Variants in PKP1 observed in about 807,000 individuals in gnomAD.
The protein encoded by PKP1 is plakophilin 1.
PKP1 carries 27 observed loss-of-function variants against 76.4 expected under a neutral mutation model. The ratio of observed to expected loss-of-function variants is 0.35; its 90% CI spans 0.26 to 0.49. The LOEUF (loss-of-function observed/expected upper bound fraction) is 0.49. Ranked by LOEUF, PKP1 falls within the 20% of genes least tolerant of loss-of-function variation. PKP1 has a pLI of 0.99. For missense variants in PKP1, 964 were observed against 955.2 expected (o/e 1.01, Z -0.12); for synonymous variants, 404 against 384.2 (o/e 1.05, Z -0.60).
intron 4 of PKP1, 119 bp downstream of exon 4, chr1:201,316,816 G>A (rs1656766244): frequency 1.9e-6 from 2 of 1,070,750 alleles, no homozygotes; most frequent in African/African-American, 1.6e-5. Context: ...GCCTTGCCCA[G>A]CTGCCAGGAG....
At chr1:201,287,845 C>A (rs1039619538) in intron 1 of PKP1, among the ~76,000 whole-genome samples, 2 of 152,206 alleles carry the variant, frequency 1.3e-5, no homozygotes, top group Non-Finnish European at 2.9e-5. Flanking sequence ...GGCCGTGACC[C>A]TTACAAGATG....
Position 201,324,472 on chromosome 1 carries a change from C to T in PKP1, c.1725C>T (p.Gly575=). ...MSQLIGLKEK[G]LPQIARLLQS... The stretch of plus-strand genomic sequence containing the variant: ...AGTTGATTGGGCTGAAGGAAAAGGG[C>T]CTGCCACAAATTGCCCGCCTCCTGC... The change falls in exon 10 of 14, where the codon GGC becomes GGT. Residue 575 remains glycine, a synonymous_variant. Transcript: ENST00000367324. The T allele has an allele frequency of 1.2e-6, 2 of 1,614,124 alleles. No homozygotes were observed. The highest frequency in any genetic ancestry group is 1.7e-6 in the Non-Finnish European group (2 of 1,180,002).
At chr1:201,286,739 C>T (rs1655751168) in intron 1 of PKP1, among the ~76,000 whole-genome samples, 1 of 152,166 alleles carries the variant, frequency 6.6e-6, no homozygotes, top group African/African-American at 2.4e-5. Flanking sequence ...TGTTTTCAGG[C>T]TGTCCCTGTG....
intron 4 of PKP1, 30 bp downstream of exon 4, chr1:201,316,727 G>T (rs1379555838): frequency 6.2e-7 from 1 of 1,612,366 alleles, no homozygotes; most frequent in Non-Finnish European, 8.5e-7. Context: ...CCTCCTTGGT[G>T]GGCCTGCGGA....
chr1:201,313,994 C>T (rs1277556538), intron 3 of PKP1, among the ~76,000 whole-genome samples: 1 of 152,220 alleles, frequency 6.6e-6, no homozygotes. Context: ...TTCTGATTTA[C>T]ACTAGAGTTT....
At chr1:201,295,327 CAATT>C (rs1480128495) in intron 2 of PKP1, among the ~76,000 whole-genome samples, 7 of 152,100 alleles carry the variant, frequency 4.6e-5, no homozygotes, top group African/African-American at 1.2e-4. Context: ...TGAAAGGAGA[CAATT>C]AACTAGATTT....
chr1:201,310,870 G>T (rs1209553966), intron 2 of PKP1, among the ~76,000 whole-genome samples: 1 of 152,182 alleles, frequency 6.6e-6, no homozygotes, highest in Non-Finnish European at 1.5e-5. Flanking sequence ...TCCCCTGCAG[G>T]TGCAGCCAAT....
Position 201,294,020 on chromosome 1 carries a change from C to A in PKP1, c.281C>A (p.Ala94Glu). Reference protein sequence around the residue: ...SRSSYYSKFQAGNGSWGYPIY... With the variant: ...SRSSYYSKFQEGNGSWGYPIY... ...AGCAGCTACTACTCCAAGTTCCAGG[C>A]AGGGAATGGCTCATGGGGATATCCG... is the stretch of plus-strand genomic sequence containing the variant. The change falls in exon 2 of 14, where the codon GCA (alanine) becomes GAA (glutamate). Residue 94 changes from alanine (A) to glutamate (E), a missense_variant. By Grantham distance (107) the Ala-to-Glu change is moderately radical. Transcript: ENST00000367324. The A allele has an allele frequency of 6.2e-7, 1 of 1,612,628 alleles. No homozygotes were observed.
At chr1:201,293,319 G>A (rs989916946) in intron 1 of PKP1, among the ~76,000 whole-genome samples, 1 of 152,222 alleles carries the variant, frequency 6.6e-6, no homozygotes, top group East Asian at 1.9e-4. Context: ...CTCCTGCGGA[G>A]CCTGTCATTT....
intron 9 of PKP1, among the ~76,000 whole-genome samples, chr1:201,323,839 C>G (rs769482095): frequency 1.3e-5 from 2 of 152,138 alleles, no homozygotes; most frequent in African/African-American, 4.8e-5. Context: ...GCCAAACCCA[C>G]CTAGACCTGT....
chr1:201,293,765 G>A (rs113554700), intron 1 of PKP1, among the ~76,000 whole-genome samples, 177 bp from the exon 2 acceptor site: 8 of 152,290 alleles, frequency 5.3e-5, no homozygotes, highest in East Asian at 3.9e-4. Flanking sequence ...CCTTGGTCCC[G>A]GCTGTGGAGG....
chr1:201,284,528 G>A (rs12120760), intron 1 of PKP1, among the ~76,000 whole-genome samples: 14,039 of 152,274 alleles, frequency 0.092, 721 homozygotes, highest in Middle Eastern at 0.18. Flanking sequence ...ACGGGAAAGT[G>A]GCACAGGGAG....
chr1:201,304,671 C>G (rs1470403916), intron 2 of PKP1, among the ~76,000 whole-genome samples: 2 of 152,204 alleles, frequency 1.3e-5, no homozygotes, highest in Non-Finnish European at 2.9e-5. Flanking sequence ...TCGGGGCCAG[C>G]AACTGGCCAG....
At position 201,318,634 on chromosome 1, in the gene PKP1, G is replaced by A; in HGVS notation, c.1071G>A (p.Leu357=). 1 of 1,612,226 alleles carries A rather than the reference G, an allele frequency of 6.2e-7. No homozygotes were observed. The highest frequency in any genetic ancestry group is 1.3e-5 in the African/African-American group (1 of 74,962). Residue 357 remains leucine (L), a synonymous_variant, in exon 6 of 14, where the codon CTG becomes CTA. Transcript: ENST00000367324. Reference sequence around the variant, plus strand: ...GACCCCCAGGGCTGCTCTGGAACCTGTCTTCCACTGACGAGCTGAAGGAGG... The same window carrying A: ...GACCCCCAGGGCTGCTCTGGAACCTATCTTCCACTGACGAGCTGAAGGAGG... The part of the protein sequence containing the change: ...QKQLTGLLWN[L]SSTDELKEEL...
intron 1 of PKP1, among the ~76,000 whole-genome samples, chr1:201,292,721 A>G (rs1199270538): frequency 6.6e-6 from 1 of 152,134 alleles, no homozygotes; most frequent in African/African-American, 2.4e-5. Context: ...AGGGTTTCCG[A>G]TGGGGGAGTC....
intron 8 of PKP1, 28 bp from the exon 9 acceptor site, chr1:201,322,984 GA>G: frequency 6.2e-7 from 1 of 1,611,022 alleles, no homozygotes; most frequent in Admixed American, 1.7e-5. Flanking sequence ...GCTCCCCATT[GA>G]CCCCCCTGAC....
chr1:201,299,053 G>A (rs899624095), intron 2 of PKP1, among the ~76,000 whole-genome samples: 4 of 152,198 alleles, frequency 2.6e-5, no homozygotes, highest in East Asian at 3.9e-4. Context: ...AGAGCCATGG[G>A]CCAGGTACTG....
intron 12 of PKP1, among the ~76,000 whole-genome samples, chr1:201,327,219 G>A (rs928910997): frequency 2.0e-5 from 3 of 152,228 alleles, no homozygotes; most frequent in Admixed American, 6.5e-5. Flanking sequence ...GGAGACTCAA[G>A]CATCTCTGTC....
At position 201,317,773 on chromosome 1, in the gene PKP1, C is replaced by A; in HGVS notation, c.1048C>A (p.Leu350Met). 6.2e-7 allele frequency: 1 copy of A among 1,613,256 alleles called. No individual in the cohort carries two copies. Among genetic ancestry groups the A allele is most frequent in the Non-Finnish European group, 8.5e-7 (1 of 1,179,738 alleles). The change falls in exon 5 of 14, where the codon CTG becomes ATG. Residue 350 changes from leucine (L) to methionine (M), a missense_variant. Transcript: ENST00000367324. ...RTGNAEIQKQ[L>M]TGLLWNLSST... ...CGGGAACGCCGAGATCCAGAAGCAGCTGACTGGTAGGACAACACGGCCACC... is the reference window on the plus strand; with the variant it reads ...CGGGAACGCCGAGATCCAGAAGCAGATGACTGGTAGGACAACACGGCCACC...
Sources: gnomAD v4.1 joint callset for allele counts (sites outside exome capture counted in the v4.1 genomes callset) on GRCh38, gnomAD v4.1.1 for gene constraint, MANE v1.5 for transcripts, NCBI Gene and HGNC (gene_info 2026-07-23, HGNC 2026-07-21) for gene names.